The following AGTPBP1 variants were observed in gnomAD, a reference collection of about 807,000 sequenced individuals.
The protein encoded by AGTPBP1 is cytosolic carboxypeptidase 1.
AGTPBP1 carries 70 observed loss-of-function variants against 143.9 expected under a neutral mutation model. That is an observed-to-expected ratio of 0.49 (90% CI 0.40 to 0.59). AGTPBP1 has a LOEUF of 0.59. AGTPBP1 is among the 20% of genes least tolerant of loss of function. The pLI, the probability that AGTPBP1 is intolerant of heterozygous loss-of-function variation, is 0.00. For synonymous variants in AGTPBP1, 463 were observed against 500.2 expected, an observed-to-expected ratio of 0.93 and a Z score of 0.99; for missense variants, 1,229 against 1,464.5, an observed-to-expected ratio of 0.84 and a Z score of 2.62.
At chr9:85,621,361 GA>G in intron 14 of AGTPBP1, 76 bp from the exon 15 acceptor site, 2 of 616,094 alleles carry the variant, frequency 3.2e-6, no homozygotes, top group Non-Finnish European at 5.0e-6. Flanking sequence ...AATTTTGAAT[GA>G]AAAAAGTGCA....
intron 17 of AGTPBP1, among the ~76,000 whole-genome samples, chr9:85,600,956 A>G (rs115548511): frequency 0.017 from 2,522 of 152,262 alleles, 30 homozygotes; most frequent in Middle Eastern, 0.055. Flanking sequence ...CCCAGAGGAC[A>G]GGGTCCCCTA....
chr9:85,692,649 A>G, intron 3 of AGTPBP1, 40 bp downstream of exon 3: 1 of 1,590,874 alleles, frequency 6.3e-7, no homozygotes, highest in Non-Finnish European at 8.5e-7. Flanking sequence ...TTAAAGAATT[A>G]AAAAAGCATT....
rs1213684682 is a variant in AGTPBP1 at position 85,642,712 on chromosome 9, C to T, written c.1302+115G>A. ...TTCAATGCCACTCAGAAAAGCAATG[C>T]TAGTTTCACTTTTTAGAAATGGAAA... On this transcript the variant is annotated intron_variant, in intron 13 of 25. Coordinates refer to ENST00000357081, the MANE Select transcript of AGTPBP1 (RefSeq NM_001330701.2). The T allele has an allele frequency of 8.5e-6, 7 of 824,248 alleles. No homozygotes were observed. The African/African-American group carries it at 8.7e-5, about 10-fold the overall frequency. 51.1% of individuals were successfully genotyped at this position (824,248 alleles called of 1,614,324 possible).
the AGTPBP1 span, among the ~76,000 whole-genome samples, chr9:85,795,196 T>C: frequency 6.6e-6 from 1 of 152,238 alleles, no homozygotes; most frequent in African/African-American, 2.4e-5. Context: ...GTAGGTCATT[T>C]GGCATTTGTA....
intron 25 of AGTPBP1, among the ~76,000 whole-genome samples, chr9:85,575,053 T>C (rs1827809383): frequency 6.6e-6 from 1 of 152,178 alleles, no homozygotes; most frequent in Non-Finnish European, 1.5e-5. Context: ...ATAATATTTC[T>C]CACACTGTTC....
intron 3 of AGTPBP1, among the ~76,000 whole-genome samples, chr9:85,685,336 AAAAT>A (rs1276435591): frequency 6.6e-6 from 1 of 151,962 alleles, no homozygotes; most frequent in Non-Finnish European, 1.5e-5. Flanking sequence ...AAAATCCAAA[AAAAT>A]AAATAAATAA....
intron 2 of AGTPBP1, among the ~76,000 whole-genome samples, chr9:85,705,709 G>A (rs1009803466): frequency 1.3e-5 from 2 of 151,954 alleles, no homozygotes; most frequent in African/African-American, 4.8e-5. Context: ...GGTTTTTTTT[G>A]AGACGGAGTC....
chr9:85,592,488 T>C lies in AGTPBP1; in HGVS notation c.2568+72A>G, dbSNP rs572961320. ...TTATCATTATCCTTATGTTAGAATA[T>C]TTAACTAAACTCAATTTTCTTCCAT... On this transcript the variant is annotated intron_variant, in intron 19 of 25. Transcript: ENST00000357081. 4.0e-4 allele frequency: 429 copies of C among 1,086,010 alleles called. 5 individuals carry two copies. In the South Asian group the frequency reaches 8.3e-3, roughly 21 times the overall value. The allele number at this position is 1,086,010 out of a possible 1,614,324, so 67.3% of individuals were successfully genotyped here.
chr9:85,783,852 T>C, the AGTPBP1 span, among the ~76,000 whole-genome samples: 3 of 152,204 alleles, frequency 2.0e-5, no homozygotes, highest in African/African-American at 7.2e-5. Flanking sequence ...CTCAAACTCC[T>C]GACCTCAGGT....
At chr9:85,739,999 G>A (rs1045574717) in intron 1 of AGTPBP1, among the ~76,000 whole-genome samples, 1 of 148,388 alleles carries the variant, frequency 6.7e-6, no homozygotes, top group Non-Finnish European at 1.5e-5. Flanking sequence ...GTGAGACTCC[G>A]TCTCAAAAAA....
At chr9:85,762,677 G>A in the AGTPBP1 span, among the ~76,000 whole-genome samples, 620 of 151,424 alleles carry the variant, frequency 4.1e-3, 8 homozygotes, top group African/African-American at 0.014. Context: ...TGTAAATGAC[G>A]AGTTAATGGG....
intron 25 of AGTPBP1, among the ~76,000 whole-genome samples, chr9:85,554,661 A>T (rs1480830970): frequency 6.6e-6 from 1 of 152,202 alleles, no homozygotes; most frequent in Non-Finnish European, 1.5e-5. Flanking sequence ...GTGAGGGAAG[A>T]TATCTAGAGC....
chr9:85,648,739 G>A (rs939220683), intron 11 of AGTPBP1, among the ~76,000 whole-genome samples: 17 of 152,136 alleles, frequency 1.1e-4, no homozygotes, highest in African/African-American at 3.9e-4. Context: ...GTGAACCCGG[G>A]AGGTGGAGCT....
At chr9:85,800,528 T>C in the AGTPBP1 span, among the ~76,000 whole-genome samples, 1 of 152,184 alleles carries the variant, frequency 6.6e-6, no homozygotes, top group Non-Finnish European at 1.5e-5. Flanking sequence ...TCTTTCCCTG[T>C]TTGCTTTTTC....
At chr9:85,578,490 C>T (rs1828034012) in intron 24 of AGTPBP1, among the ~76,000 whole-genome samples, 1 of 152,028 alleles carries the variant, frequency 6.6e-6, no homozygotes, top group South Asian at 2.1e-4. Flanking sequence ...ATAATAGCTA[C>T]ACATACAAAA....
chr9:85,626,965 T>C (rs547585981), intron 14 of AGTPBP1, among the ~76,000 whole-genome samples: 1 of 152,330 alleles, frequency 6.6e-6, no homozygotes, highest in African/African-American at 2.4e-5. Flanking sequence ...TGGGATGGAT[T>C]TGGCACACAG....
At chr9:85,788,739 G>A in the AGTPBP1 span, among the ~76,000 whole-genome samples, 2 of 149,344 alleles carry the variant, frequency 1.3e-5, no homozygotes, top group African/African-American at 4.9e-5. Context: ...TATTTAATAT[G>A]ATTTTATATC....
the AGTPBP1 span, among the ~76,000 whole-genome samples, chr9:85,790,292 GAGA>G: frequency 1.2e-4 from 19 of 152,144 alleles, no homozygotes; most frequent in Admixed American, 1.2e-3. Context: ...GCCCAATAAG[GAGA>G]AGTATTTTAT....
intron 25 of AGTPBP1, among the ~76,000 whole-genome samples, chr9:85,574,333 C>G (rs888594351): frequency 6.6e-6 from 1 of 152,088 alleles, no homozygotes; most frequent in Admixed American, 6.5e-5. Flanking sequence ...ACAAACACTG[C>G]GGAGGGCCGC....
Sources: gnomAD v4.1 joint callset for allele counts (sites outside exome capture counted in the v4.1 genomes callset) on GRCh38, gnomAD v4.1.1 for gene constraint, MANE v1.5 for transcripts, NCBI Gene and HGNC (gene_info 2026-07-23, HGNC 2026-07-21) for gene names.